The following TSHR variants were observed in gnomAD, a reference collection of about 807,000 sequenced individuals.
TSHR encodes thyroid stimulating hormone receptor, also known as thyrotropin receptor.
Under a neutral mutation model 64.1 loss-of-function variants are expected in TSHR, and 51 were observed. The ratio of observed to expected loss-of-function variants is 0.80; its 90% confidence interval spans 0.64 to 1.01. The LOEUF (loss-of-function observed/expected upper bound fraction) is 1.01. Among genes scored for constraint, TSHR ranks in the 50% least tolerant of loss-of-function variants. The pLI, the probability that TSHR is intolerant of heterozygous loss-of-function variation, is 0.00. For synonymous variants in TSHR, 361 were observed against 361.9 expected (o/e 1.00, Z 0.03); for missense variants, 877 against 942.8 (o/e 0.93, Z 0.91).
At chr14:81,104,877 G>A (rs996192237) in intron 7 of TSHR, 15 of 985,214 alleles carry the variant, frequency 1.5e-5, no homozygotes, top group Non-Finnish European at 1.8e-5. Context: ...GACCCCAAGC[G>A]GTGAAAAGCT....
At chr14:81,116,212 T>C (rs1176821047) in intron 8 of TSHR, among the ~76,000 whole-genome samples, 1 of 147,464 alleles carries the variant, frequency 6.8e-6, no homozygotes, top group Non-Finnish European at 1.5e-5. Flanking sequence ...GACTAAATGC[T>C]CCAATTAAAA....
At chr14:81,104,733 A>G in intron 7 of TSHR, 1 of 945,234 alleles carries the variant, frequency 1.1e-6, no homozygotes, top group Non-Finnish European at 1.3e-6. Flanking sequence ...TCCTGACTGC[A>G]TTGGTCTTCC....
At chr14:81,101,921 C>T (rs780947847) in intron 7 of TSHR, among the ~76,000 whole-genome samples, 7 of 152,124 alleles carry the variant, frequency 4.6e-5, no homozygotes, top group Non-Finnish European at 8.8e-5. Context: ...TCTGTAATCC[C>T]AGCACTTTGG....
intron 6 of TSHR, 68 bp from the exon 7 acceptor site, chr14:81,096,571 A>T: frequency 2.0e-6 from 3 of 1,497,896 alleles, no homozygotes; most frequent in Non-Finnish European, 2.8e-6. Context: ...ATATAGTCCA[A>T]CTCTCCAGAA....
At chr14:81,124,505 C>A (rs1422174409) in intron 8 of TSHR, among the ~76,000 whole-genome samples, 2 of 152,094 alleles carry the variant, frequency 1.3e-5, no homozygotes, top group East Asian at 3.8e-4. Context: ...CCTCACCCCA[C>A]CTCCCATAGA....
chr14:80,982,063 A>G (rs1888199276), intron 1 of TSHR: 2 of 487,014 alleles, frequency 4.1e-6, no homozygotes, highest in Admixed American at 2.6e-5. Context: ...AAAGCTGGAG[A>G]AGAGAGGGAG....
chr14:81,086,549 G>C (rs1267701728), intron 3 of TSHR, among the ~76,000 whole-genome samples: 1 of 152,132 alleles, frequency 6.6e-6, no homozygotes, highest in Non-Finnish European at 1.5e-5. Flanking sequence ...ACTATGTGGA[G>C]GCCAAACATA....
In TSHR at chr14:81,096,632, G is replaced by T. The variant is rs760004096; in HGVS notation, c.546-7G>T. On this transcript the variant is annotated splice_polypyrimidine_tract_variant and splice_region_variant and intron_variant, in intron 6 of 9. Transcript: ENST00000298171. ...TCACTGATTTCTCTTCTCTCTGTTG[G>T]TTGTAGGAAGCTGTACAACAATGGC... 3.1e-6 allele frequency: 5 copies of T among 1,613,242 alleles called. No homozygotes were observed. The Admixed American group carries it at 5.0e-5, about 16-fold the overall frequency.
chr14:81,049,622 A>G (rs908531933), intron 1 of TSHR: 2 of 152,220 alleles, frequency 1.3e-5, no homozygotes, highest in African/African-American at 4.8e-5. Flanking sequence ...AAGTAAAAGC[A>G]CTACACATAT....
intron 1 of TSHR, among the ~76,000 whole-genome samples, chr14:81,020,820 T>C (rs1228611731): frequency 6.6e-6 from 1 of 152,162 alleles, no homozygotes; most frequent in Admixed American, 6.5e-5. Context: ...ATGTTCTGGA[T>C]TGAAGTCAAG....
intron 8 of TSHR, among the ~76,000 whole-genome samples, chr14:81,115,171 C>G (rs1890437638): frequency 6.6e-6 from 1 of 152,116 alleles, no homozygotes; most frequent in Admixed American, 6.5e-5. Flanking sequence ...CGGAACAAAG[C>G]TGGACGGAGA....
At chr14:81,134,365 A>C (rs1891368804) in intron 8 of TSHR, among the ~76,000 whole-genome samples, 1 of 151,792 alleles carries the variant, frequency 6.6e-6, no homozygotes, top group Non-Finnish European at 1.5e-5. Flanking sequence ...CAAACTCCCA[A>C]CCTCAGGTGA....
intron 1 of TSHR, among the ~76,000 whole-genome samples, chr14:81,056,128 G>A (rs1385965197): frequency 6.6e-6 from 1 of 152,134 alleles, no homozygotes; most frequent in Non-Finnish European, 1.5e-5. Flanking sequence ...TGATTTTAAA[G>A]ATGGGAGTTT....
At chr14:80,957,751 A>T (rs981130071) in intron 1 of TSHR, 33 of 152,228 alleles carry the variant, frequency 2.2e-4, no homozygotes, top group African/African-American at 7.7e-4. Flanking sequence ...GCCCTTCTTT[A>T]CTAACCATGA....
intron 8 of TSHR, among the ~76,000 whole-genome samples, chr14:81,113,905 T>C (rs975870210): frequency 3.9e-5 from 6 of 152,102 alleles, no homozygotes; most frequent in Non-Finnish European, 7.4e-5. Context: ...AAGACTAGAA[T>C]TTTCTTTCTG....
At chr14:80,969,416 C>A (rs179251) in intron 1 of TSHR, among the ~76,000 whole-genome samples, 91,208 of 151,976 alleles carry the variant, frequency 0.6, 28,314 homozygotes, top group East Asian at 0.8. Context: ...TCAGAGAAGG[C>A]CAAATCCAAA....
intron 3 of TSHR, among the ~76,000 whole-genome samples, chr14:81,077,772 GTCT>G (rs762594166): frequency 1.8e-4 from 27 of 151,704 alleles, no homozygotes; most frequent in Non-Finnish European, 3.1e-4. Context: ...ATTTCTCCTT[GTCT>G]TCTTTTGGAT....
chr14:81,065,407 G>A (rs958115712), intron 2 of TSHR, among the ~76,000 whole-genome samples: 1 of 152,184 alleles, frequency 6.6e-6, no homozygotes, highest in Non-Finnish European at 1.5e-5. Context: ...AATTATTAAA[G>A]GATATCTAAG....
In TSHR at chr14:80,955,714, C is replaced by CT. The variant is rs1318223887; in HGVS notation, c.35dup (p.Leu13AlafsTer49). The stretch of plus-strand genomic sequence containing the variant: ...GGCGGACTTGCTGCAGCTGGTGCTG[C>CT]TGCTCGACCTGCCCAGGGACCTGGG... On this transcript the variant is annotated frameshift_variant, in exon 1 of 10. Coordinates refer to ENST00000298171, the MANE Select transcript of TSHR (RefSeq NM_000369.5). LOFTEE classifies it high-confidence loss of function. 6.2e-7 allele frequency: 1 copy of CT among 1,614,048 alleles called. No individual in the cohort carries two copies. Among genetic ancestry groups the CT allele is most frequent in the Admixed American group, 1.7e-5 (1 of 60,006 alleles).
Sources: gnomAD v4.1 joint callset for allele counts (sites outside exome capture counted in the v4.1 genomes callset) on GRCh38, gnomAD v4.1.1 for gene constraint, MANE v1.5 for transcripts, NCBI Gene and HGNC (gene_info 2026-07-23, HGNC 2026-07-21) for gene names.